WDFY3: variants seen among roughly 807,000 people sequenced by gnomAD.
The protein encoded by WDFY3 is WD repeat and FYVE domain-containing protein 3.
A neutral mutation model predicts 409.6 loss-of-function variants in WDFY3; 66 were observed. The ratio of observed to expected loss-of-function variants is 0.16; its 90% CI spans 0.13 to 0.20. WDFY3 has a LOEUF of 0.20. WDFY3 is among the 10% of genes least tolerant of loss of function. The probability of loss-of-function intolerance (pLI) is 1.00; values close to 1 mark genes in which losing one functional copy is unlikely to be tolerated. For synonymous variants in WDFY3, 1,521 were observed against 1,537.1 expected, an observed-to-expected ratio of 0.99 and a Z score of 0.25; for missense variants, 3,031 against 4,298.1, an observed-to-expected ratio of 0.71 and a Z score of 8.24.
At chr4:84,766,806 G>A (rs1309583266) in intron 30 of WDFY3, among the ~76,000 whole-genome samples, 3 of 152,088 alleles carry the variant, frequency 2.0e-5, no homozygotes, top group Admixed American at 6.6e-5. Flanking sequence ...TTCAGTAAAC[G>A]TAATACATAA....
At chr4:84,927,670 G>A (rs1770183609) in intron 2 of WDFY3, among the ~76,000 whole-genome samples, 1 of 152,126 alleles carries the variant, frequency 6.6e-6, no homozygotes, top group Admixed American at 6.5e-5. Context: ...AGTCTCAGGG[G>A]ATCTGATGGT....
intron 2 of WDFY3, among the ~76,000 whole-genome samples, chr4:84,911,870 G>A (rs1330951795): frequency 6.6e-6 from 1 of 152,118 alleles, no homozygotes; most frequent in Non-Finnish European, 1.5e-5. Context: ...ATAATCAAGA[G>A]AAATGTAAAC....
chr4:84,686,874 A>C (rs1419885919), intron 62 of WDFY3, among the ~76,000 whole-genome samples: 2 of 152,136 alleles, frequency 1.3e-5, no homozygotes, highest in African/African-American at 4.8e-5. Context: ...CCGTTTCAAG[A>C]CCATCTTAGC....
chr4:84,695,830 A>C, intron 58 of WDFY3, 140 bp downstream of exon 58: 1 of 848,106 alleles, frequency 1.2e-6, no homozygotes, highest in South Asian at 1.8e-5. Flanking sequence ...ACAATCTAGG[A>C]ATCTATTGAA....
Position 84,692,943 on chromosome 4 carries a change from A to C in WDFY3, c.8991T>G (p.Ser2997Arg). 1 of 1,613,666 alleles carries C rather than the reference A, an allele frequency of 6.2e-7. No homozygotes were observed. The highest frequency in any genetic ancestry group is 8.5e-7 in the Non-Finnish European group (1 of 1,179,910). The change falls in exon 59 of 68, where the codon AGT (serine) becomes AGG (arginine). Residue 2997 changes from serine (S) to arginine (R), a missense_variant. Ser to Arg is a moderately radical substitution (Grantham distance 110). This residue lies in a region of WDFY3 where 152 missense variants were observed against 193.5 expected (regional missense o/e 0.79). Coordinates refer to ENST00000295888, the MANE Select transcript of WDFY3 (RefSeq NM_014991.6). ...CTAGATGATGAAAAAAGATCTTGTC[A>C]CTTGTAGATCCTGGTAGGACAGAGA... ...AGISVLPGST[S>R]DKIFFHHLDN...
intron 3 of WDFY3, among the ~76,000 whole-genome samples, chr4:84,866,190 TA>T (rs368036569): frequency 3.8e-3 from 582 of 152,286 alleles, no homozygotes; most frequent in Middle Eastern, 6.8e-3. Context: ...CCTTTGCTCC[TA>T]ATGTACCAAA....
Position 84,677,359 on chromosome 4 carries a change from G to A in WDFY3, c.10297C>T (p.Arg3433Ter), listed in dbSNP as rs1726467693. ...SRILVGDSRG[R>*]VFSWSVSDQP... is the part of the protein sequence containing the mutation. ...TCACTCACAGACCAGCTGAAAACTC[G>A]GCCTCGACTGTCACCAACGAGGATC... Residue 3433 changes from arginine (R) to a stop codon, truncating the protein, a stop_gained, in exon 67 of 68, where the codon CGA becomes TGA. Coordinates refer to ENST00000295888, the MANE Select transcript of WDFY3 (RefSeq NM_014991.6). LOFTEE classifies it high-confidence loss of function. 6.2e-7 allele frequency: 1 copy of A among 1,613,690 alleles called. No individual in the cohort carries two copies. Among genetic ancestry groups the A allele is most frequent in the African/African-American group, 1.3e-5 (1 of 74,882 alleles).
chr4:84,965,501 T>C (rs1367600057), intron 1 of WDFY3, among the ~76,000 whole-genome samples: 1 of 152,176 alleles, frequency 6.6e-6, no homozygotes, highest in Non-Finnish European at 1.5e-5. Context: ...TAAAAATCAA[T>C]GAAAAACTGC....
At chr4:84,881,632 A>T (rs1380078790) in intron 3 of WDFY3, among the ~76,000 whole-genome samples, 1 of 151,996 alleles carries the variant, frequency 6.6e-6, no homozygotes, top group Non-Finnish European at 1.5e-5. Flanking sequence ...CACGCCTGTA[A>T]TCCCAACACT....
Position 84,849,886 on chromosome 4 carries a change from G to A in WDFY3, c.304+16C>T. The A allele has an allele frequency of 6.2e-7, 1 of 1,605,806 alleles. No individual in the cohort carries two copies. The highest frequency in any genetic ancestry group is 1.1e-5 in the South Asian group (1 of 88,678). ...CATTCAAACAAATCAGTTTTTGCTG[G>A]CTACTGTAAAAATACCTGTGGATTT... On this transcript the variant is annotated intron_variant, in intron 5 of 67. Coordinates refer to ENST00000295888, the MANE Select transcript of WDFY3 (RefSeq NM_014991.6).
At chr4:84,784,891 T>TATACACACACACAC (rs1238884117) in intron 24 of WDFY3, among the ~76,000 whole-genome samples, 6 of 36,916 alleles carry the variant, frequency 1.6e-4, no homozygotes, top group African/African-American at 3.8e-4. Context: ...TATATATATA[T>TATACACACACACAC]ACACACACAC....
chr4:84,708,702 G>A (rs1578202689), intron 53 of WDFY3, among the ~76,000 whole-genome samples: 2 of 151,902 alleles, frequency 1.3e-5, no homozygotes, highest in East Asian at 1.9e-4. Flanking sequence ...CACCACACCT[G>A]GCTAATTTCT....
At chr4:84,687,168 G>A (rs1246633598) in intron 62 of WDFY3, among the ~76,000 whole-genome samples, 1 of 151,630 alleles carries the variant, frequency 6.6e-6, no homozygotes, top group African/African-American at 2.4e-5. Flanking sequence ...TTTTGAGACT[G>A]AGTCTCACTC....
intron 32 of WDFY3, among the ~76,000 whole-genome samples, chr4:84,765,130 G>C (rs1743402387): frequency 6.6e-6 from 1 of 152,082 alleles, no homozygotes; most frequent in South Asian, 2.1e-4. Flanking sequence ...TTAACTGAAT[G>C]ACTTTGCCTT....
At position 84,708,813 on chromosome 4, in the gene WDFY3, T is replaced by A. The variant is rs1732423912; in HGVS notation, c.8217+96A>T. ...CTCTTAGCCTCCCAAAGTGCTAGGA[T>A]TTTAGGGATGAGCCACTGCACCCCA... On this transcript the variant is annotated intron_variant, in intron 53 of 67. Transcript: ENST00000295888. The A allele has an allele frequency of 2.9e-6, 4 of 1,374,222 alleles. No individual in the cohort carries two copies. The Admixed American group carries it at 6.1e-5, about 21-fold the overall frequency. The allele number at this position is 1,374,222 out of a possible 1,614,324, so 85.1% of individuals were successfully genotyped here.
intron 5 of WDFY3, chr4:84,844,499 A>T: frequency 7.8e-7 from 1 of 1,289,674 alleles, no homozygotes; most frequent in Non-Finnish European, 1.0e-6. Context: ...ACAGCAGGGC[A>T]CACTGTTTTT....
At chr4:84,749,816 T>A (rs930440300) in intron 36 of WDFY3, among the ~76,000 whole-genome samples, 2 of 152,152 alleles carry the variant, frequency 1.3e-5, no homozygotes, top group Non-Finnish European at 2.9e-5. Flanking sequence ...GTACTCCTAC[T>A]CGCTAGTATA....
At chr4:84,786,268 T>C in intron 23 of WDFY3, 129 bp from the exon 24 acceptor site, 1 of 851,218 alleles carries the variant, frequency 1.2e-6, no homozygotes, top group Non-Finnish European at 1.7e-6. Flanking sequence ...GAGGTAAATT[T>C]AAAAACTATC....
chr4:84,734,413 T>C (rs1737102894), intron 43 of WDFY3, among the ~76,000 whole-genome samples: 1 of 152,236 alleles, frequency 6.6e-6, no homozygotes, highest in African/African-American at 2.4e-5. Context: ...GTAGTACTGA[T>C]ATGTTCTTTG....
Sources: allele counts gnomAD v4.1 joint callset (sites outside exome capture counted in the v4.1 genomes callset), GRCh38; gene constraint gnomAD v4.1.1; regional missense constraint gnomAD v4.1.1; transcripts MANE v1.5; gene names NCBI Gene and HGNC (gene_info 2026-07-23, HGNC 2026-07-21).